The following ARHGAP15 variants were observed in gnomAD, a reference collection of about 807,000 sequenced individuals.
ARHGAP15 encodes rho GTPase-activating protein 15.
Under a neutral mutation model 63.7 loss-of-function variants are expected in ARHGAP15, and 51 were observed. The observed-to-expected ratio is 0.80, with a 90% CI of 0.64 to 1.01. ARHGAP15 has a LOEUF of 1.01. Ranked by LOEUF, ARHGAP15 falls within the 50% of genes least tolerant of loss-of-function variation. ARHGAP15 has a pLI of 0.00. For synonymous variants in ARHGAP15, 191 were observed against 193.8 expected (o/e 0.99, Z 0.12); for missense variants, 560 against 564.6 (o/e 0.99, Z 0.08).
intron 12 of ARHGAP15, among the ~76,000 whole-genome samples, chr2:143,638,516 G>A: frequency 9.7e-6 from 1 of 103,354 alleles, no homozygotes. Context: ...TGGGGGGAGG[G>A]GGGAGGGATA....
intron 2 of ARHGAP15, among the ~76,000 whole-genome samples, chr2:143,160,356 TG>T (rs2105020364): frequency 6.6e-6 from 1 of 152,100 alleles, no homozygotes; most frequent in African/African-American, 2.4e-5. Flanking sequence ...ATTGGACTAT[TG>T]TGGATGACAT....
chr2:143,212,462 A>G (rs370237059), intron 3 of ARHGAP15, among the ~76,000 whole-genome samples: 1 of 152,240 alleles, frequency 6.6e-6, no homozygotes, highest in Admixed American at 6.5e-5. Context: ...AGCCAGATTT[A>G]GCATCTAAAG....
chr2:143,594,440 C>A (rs1697435737), intron 11 of ARHGAP15, among the ~76,000 whole-genome samples: 1 of 152,042 alleles, frequency 6.6e-6, no homozygotes, highest in South Asian at 2.1e-4. Flanking sequence ...GTGTGCTCGG[C>A]CTATTTGGTA....
At chr2:143,292,889 G>A (rs962732717) in intron 6 of ARHGAP15, among the ~76,000 whole-genome samples, 5 of 151,694 alleles carry the variant, frequency 3.3e-5, no homozygotes, top group African/African-American at 7.3e-5. Context: ...AATATATATC[G>A]ACCTCATTAG....
At chr2:143,724,257 C>T (rs138295351) in intron 13 of ARHGAP15, among the ~76,000 whole-genome samples, 2 of 152,178 alleles carry the variant, frequency 1.3e-5, no homozygotes, top group African/African-American at 4.8e-5. Flanking sequence ...GTTTATGACT[C>T]TAACCGTGTC....
chr2:143,170,157 T>G (rs1283999741), intron 2 of ARHGAP15, among the ~76,000 whole-genome samples: 2 of 152,082 alleles, frequency 1.3e-5, no homozygotes, highest in African/African-American at 4.8e-5. Flanking sequence ...CCCTGAACTC[T>G]TATTCAACCT....
At chr2:143,632,904 A>G (rs1680119515) in intron 12 of ARHGAP15, among the ~76,000 whole-genome samples, 1 of 152,194 alleles carries the variant, frequency 6.6e-6, no homozygotes, top group South Asian at 2.1e-4. Flanking sequence ...TTAGGAGAAA[A>G]GAAACAGAGC....
intron 8 of ARHGAP15, among the ~76,000 whole-genome samples, chr2:143,455,687 G>C (rs1402376076): frequency 6.6e-6 from 1 of 152,028 alleles, no homozygotes; most frequent in Admixed American, 6.6e-5. Flanking sequence ...AACGAATATA[G>C]TATTTTGATC....
chr2:143,297,438 G>A (rs1682687015), intron 6 of ARHGAP15, among the ~76,000 whole-genome samples: 2 of 151,908 alleles, frequency 1.3e-5, no homozygotes, highest in African/African-American at 4.8e-5. Context: ...TCTCTGCTGG[G>A]TGGCTCCTTA....
chr2:143,634,913 C>A (rs1290820373), intron 12 of ARHGAP15, among the ~76,000 whole-genome samples: 1 of 152,000 alleles, frequency 6.6e-6, no homozygotes, highest in Non-Finnish European at 1.5e-5. Flanking sequence ...CCTGAGCTTG[C>A]CTTGCTTCTA....
At chr2:143,592,766 T>A (rs1697371022) in intron 11 of ARHGAP15, among the ~76,000 whole-genome samples, 1 of 152,236 alleles carries the variant, frequency 6.6e-6, no homozygotes, top group South Asian at 2.1e-4. Flanking sequence ...TATAGAAATG[T>A]GAGTGTCATT....
At chr2:143,714,193 A>G (rs1470395800) in intron 13 of ARHGAP15, among the ~76,000 whole-genome samples, 4 of 152,216 alleles carry the variant, frequency 2.6e-5, no homozygotes, top group Non-Finnish European at 5.9e-5. Flanking sequence ...ACCTCAATTC[A>G]TGACTTCTGT....
chr2:143,711,753 A>T (rs1366363420), intron 13 of ARHGAP15, among the ~76,000 whole-genome samples: 1 of 152,114 alleles, frequency 6.6e-6, no homozygotes, highest in Non-Finnish European at 1.5e-5. Context: ...ACATAGTGAG[A>T]ACTCATCTCT....
intron 2 of ARHGAP15, among the ~76,000 whole-genome samples, chr2:143,157,546 C>T (rs568759468): frequency 1.3e-5 from 2 of 151,500 alleles, no homozygotes; most frequent in African/African-American, 4.8e-5. Context: ...ATGTATTCCT[C>T]GATAAGGAAC....
intron 2 of ARHGAP15, among the ~76,000 whole-genome samples, chr2:143,158,757 G>A (rs867886419): frequency 5.3e-5 from 8 of 152,020 alleles, no homozygotes; most frequent in South Asian, 2.1e-4. Context: ...CTTAAAGGTA[G>A]ACAGCTTATT....
intron 1 of ARHGAP15, among the ~76,000 whole-genome samples, chr2:143,140,268 T>G (rs1689308456): frequency 6.6e-6 from 1 of 152,158 alleles, no homozygotes; most frequent in African/African-American, 2.4e-5. Context: ...GAAGAAGAGA[T>G]AACTCTTTTC....
intron 11 of ARHGAP15, among the ~76,000 whole-genome samples, chr2:143,576,725 T>G (rs1696695484): frequency 6.6e-6 from 1 of 152,130 alleles, no homozygotes; most frequent in Non-Finnish European, 1.5e-5. Flanking sequence ...CTCTGGGAGT[T>G]GAGTTAGATT....
intron 6 of ARHGAP15, among the ~76,000 whole-genome samples, chr2:143,361,587 C>T (rs113835146): frequency 2.6e-5 from 4 of 152,028 alleles, no homozygotes; most frequent in East Asian, 1.9e-4. Flanking sequence ...TTAAGGAGCT[C>T]CATTTATTGG....
intron 13 of ARHGAP15, among the ~76,000 whole-genome samples, chr2:143,724,258 T>C (rs1010577389): frequency 4.6e-5 from 7 of 152,216 alleles, no homozygotes; most frequent in African/African-American, 9.6e-5. Flanking sequence ...TTTATGACTC[T>C]AACCGTGTCA....
Sources: allele counts gnomAD v4.1 joint callset (sites outside exome capture counted in the v4.1 genomes callset), GRCh38; gene constraint gnomAD v4.1.1; transcripts MANE v1.5; gene names NCBI Gene and HGNC (gene_info 2026-07-23, HGNC 2026-07-21).